ARHGAP15: variants seen among roughly 807,000 people sequenced by gnomAD.
ARHGAP15 encodes rho GTPase-activating protein 15.
ARHGAP15 carries 51 observed loss-of-function variants against 63.7 expected under a neutral mutation model. The ratio of observed to expected loss-of-function variants is 0.80; its 90% confidence interval spans 0.64 to 1.01. ARHGAP15 has a LOEUF of 1.01. Among genes scored for constraint, ARHGAP15 ranks in the 50% least tolerant of loss-of-function variants. The pLI is 0.00. For missense variants in ARHGAP15, 560 were observed against 564.6 expected, an observed-to-expected ratio of 0.99 and a Z score of 0.08; for synonymous variants, 191 against 193.8, an observed-to-expected ratio of 0.99 and a Z score of 0.12.
chr2:143,234,808 G>GA (rs1220146259), intron 5 of ARHGAP15, among the ~76,000 whole-genome samples: 1 of 152,062 alleles, frequency 6.6e-6, no homozygotes, highest in Non-Finnish European at 1.5e-5. Flanking sequence ...ATGACCTCAG[G>GA]AAAAATGCAG....
chr2:143,422,713 T>G (rs544680636), intron 6 of ARHGAP15, among the ~76,000 whole-genome samples: 3 of 152,026 alleles, frequency 2.0e-5, no homozygotes, highest in Non-Finnish European at 4.4e-5. Flanking sequence ...GTGAGGCAGA[T>G]GGAAGGTGGA....
intron 12 of ARHGAP15, among the ~76,000 whole-genome samples, chr2:143,679,200 T>G (rs1442726977): frequency 6.6e-6 from 1 of 152,202 alleles, no homozygotes; most frequent in East Asian, 1.9e-4. Context: ...GATTCGGCTC[T>G]TAAGTGGGTT....
At chr2:143,181,969 A>G (rs1420333130) in intron 2 of ARHGAP15, among the ~76,000 whole-genome samples, 1 of 148,598 alleles carries the variant, frequency 6.7e-6, no homozygotes, top group Non-Finnish European at 1.5e-5. Context: ...TTGAGACAGA[A>G]TCTCCCTCTG....
intron 12 of ARHGAP15, among the ~76,000 whole-genome samples, chr2:143,634,618 C>T (rs987472856): frequency 3.9e-5 from 6 of 152,124 alleles, no homozygotes; most frequent in African/African-American, 1.4e-4. Context: ...CTAATCTTTC[C>T]ACTTCTCTGG....
chr2:143,660,141 T>C (rs1681678532), intron 12 of ARHGAP15, among the ~76,000 whole-genome samples: 1 of 152,212 alleles, frequency 6.6e-6, no homozygotes, highest in Non-Finnish European at 1.5e-5. Flanking sequence ...ATCCCTTCCA[T>C]GCTAACTCTT....
intron 9 of ARHGAP15, among the ~76,000 whole-genome samples, chr2:143,514,833 T>A (rs1467056395): frequency 6.6e-6 from 1 of 152,172 alleles, no homozygotes; most frequent in Admixed American, 6.5e-5. Context: ...AAGCTCTTCT[T>A]TGGCAATAGC....
At chr2:143,286,993 C>T (rs181694917) in intron 6 of ARHGAP15, among the ~76,000 whole-genome samples, 5 of 152,100 alleles carry the variant, frequency 3.3e-5, no homozygotes. Context: ...TATATATAGC[C>T]AGGTGGGTAG....
intron 6 of ARHGAP15, among the ~76,000 whole-genome samples, chr2:143,400,086 A>G (rs1023296517): frequency 6.6e-6 from 1 of 151,896 alleles, no homozygotes; most frequent in Non-Finnish European, 1.5e-5. Context: ...TAGTATCATC[A>G]TTTTCTTCTG....
At chr2:143,578,090 T>C (rs1449439346) in intron 11 of ARHGAP15, among the ~76,000 whole-genome samples, 3 of 152,288 alleles carry the variant, frequency 2.0e-5, no homozygotes, top group Non-Finnish European at 2.9e-5. Context: ...TGGGAGCTGA[T>C]GTACATAAAC....
chr2:143,756,588 C>A (rs554748936), intron 13 of ARHGAP15, among the ~76,000 whole-genome samples: 41 of 151,956 alleles, frequency 2.7e-4, no homozygotes, highest in Non-Finnish European at 5.3e-4. Context: ...TCTTTTACTG[C>A]TGAGACAGTT....
intron 10 of ARHGAP15, among the ~76,000 whole-genome samples, chr2:143,529,402 G>A (rs1694426129): frequency 6.6e-6 from 1 of 151,898 alleles, no homozygotes; most frequent in East Asian, 1.9e-4. Flanking sequence ...GGAGGTCTTT[G>A]CCTTTGTTCT....
At chr2:143,280,570 C>G (rs2381405) in intron 6 of ARHGAP15, among the ~76,000 whole-genome samples, 9,118 of 152,160 alleles carry the variant, frequency 0.06, 917 homozygotes, top group African/African-American at 0.21. Flanking sequence ...GAACACGGGC[C>G]TAGCATGAGA....
chr2:143,690,732 A>T (rs1375565202), intron 12 of ARHGAP15, among the ~76,000 whole-genome samples: 1 of 152,066 alleles, frequency 6.6e-6, no homozygotes, highest in Admixed American at 6.6e-5. Context: ...TCTTGGCTTG[A>T]CTTGCTGGTA....
chr2:143,327,036 C>T (rs1558895198), intron 6 of ARHGAP15, among the ~76,000 whole-genome samples: 1 of 152,188 alleles, frequency 6.6e-6, no homozygotes, highest in Non-Finnish European at 1.5e-5. Flanking sequence ...AACCAAAAAT[C>T]TCCTTAAGCT....
intron 5 of ARHGAP15, among the ~76,000 whole-genome samples, chr2:143,235,245 T>G (rs954228251): frequency 2.0e-4 from 30 of 151,732 alleles, no homozygotes; most frequent in Non-Finnish European, 3.8e-4. Context: ...TAGAGTTGTT[T>G]TTTTTTTTTT....
chr2:143,535,677 T>C (rs1358514641), intron 10 of ARHGAP15, among the ~76,000 whole-genome samples: 1 of 152,232 alleles, frequency 6.6e-6, no homozygotes, highest in Non-Finnish European at 1.5e-5. Context: ...AAGATTTAGC[T>C]ATACTGCCTG....
chr2:143,757,126 C>T (rs922360230), intron 13 of ARHGAP15, among the ~76,000 whole-genome samples: 4 of 151,612 alleles, frequency 2.6e-5, no homozygotes, highest in East Asian at 3.9e-4. Flanking sequence ...TTTTCTCTTA[C>T]GTCTAAACAA....
chr2:143,639,390 CTG>C (rs999656217), intron 12 of ARHGAP15, among the ~76,000 whole-genome samples: 14 of 152,044 alleles, frequency 9.2e-5, no homozygotes, highest in Admixed American at 1.3e-4. Context: ...GCCTGGGTCA[CTG>C]GAAAAATTTT....
intron 12 of ARHGAP15, among the ~76,000 whole-genome samples, chr2:143,649,545 CA>C (rs529619214): frequency 7.5e-4 from 114 of 151,966 alleles, no homozygotes; most frequent in South Asian, 2.1e-3. Flanking sequence ...ATTTTGAAAA[CA>C]ATCAGCTTGC....
Sources: gnomAD v4.1 joint callset for allele counts (sites outside exome capture counted in the v4.1 genomes callset) on GRCh38, gnomAD v4.1.1 for gene constraint, MANE v1.5 for transcripts, NCBI Gene and HGNC (gene_info 2026-07-23, HGNC 2026-07-21) for gene names.